Variants in TNR observed in about 807,000 individuals in gnomAD.
TNR encodes tenascin R, also known as tenascin-R.
Under a neutral mutation model 150.4 loss-of-function variants are expected in TNR, and 45 were observed. That is an observed-to-expected ratio of 0.30 (90% CI 0.24 to 0.38). The LOEUF is 0.38. TNR is among the 10% of genes least tolerant of loss of function. TNR has a pLI of 1.00. For synonymous variants in TNR, 687 were observed against 678.4 expected (o/e 1.01, Z -0.20); for missense variants, 1,544 against 1,759.1 (o/e 0.88, Z 2.19).
chr1:175,344,267 T>C (rs776959080), intron 18 of TNR, among the ~76,000 whole-genome samples: 1 of 152,166 alleles, frequency 6.6e-6, no homozygotes, highest in Non-Finnish European at 1.5e-5. Context: ...ATCTGAGATG[T>C]GGTGGATGGC....
intron 18 of TNR, among the ~76,000 whole-genome samples, chr1:175,341,166 C>T (rs576258244): frequency 6.6e-6 from 1 of 152,110 alleles, no homozygotes; most frequent in East Asian, 1.9e-4. Flanking sequence ...AATTTCAGGC[C>T]CTCCTAGCTC....
rs748328894 is a variant in TNR at position 175,583,741 on chromosome 1, A to G, written c.-164-55372T>C. On this transcript the variant is annotated intron_variant, in intron 1 of 22. Coordinates refer to ENST00000367674, the MANE Select transcript of TNR (RefSeq NM_003285.3). ...CATTCAGGGTGTCCTCTGACTGTAC[A>G]TGGGCAGGCATGGTGAGGGTCAGCC... 1.1e-4 allele frequency among the ~76,000 whole-genome samples: 17 copies of G among 152,346 alleles called. No individual in the cohort carries two copies. The Middle Eastern group carries it at 0.01, about 91-fold the overall frequency.
At chr1:175,647,417 G>A (rs942607473) in intron 1 of TNR, among the ~76,000 whole-genome samples, 49 of 141,966 alleles carry the variant, frequency 3.5e-4, no homozygotes, top group African/African-American at 1.1e-3. Context: ...TTGAAAATAC[G>A]CTTGTTACTA....
chr1:175,669,931 C>G (rs1327244803), intron 1 of TNR, among the ~76,000 whole-genome samples: 1 of 152,208 alleles, frequency 6.6e-6, no homozygotes, highest in Admixed American at 6.5e-5. Context: ...ACAGGAAGAA[C>G]CTCAGGGTCA....
At chr1:175,494,465 A>G (rs1242713844) in intron 2 of TNR, among the ~76,000 whole-genome samples, 1 of 152,198 alleles carries the variant, frequency 6.6e-6, no homozygotes, top group Non-Finnish European at 1.5e-5. Flanking sequence ...ATTTGGTTCA[A>G]GAGTGATACA....
At chr1:175,371,735 A>G (rs753214001) in intron 9 of TNR, among the ~76,000 whole-genome samples, 4 of 152,164 alleles carry the variant, frequency 2.6e-5, no homozygotes, top group Non-Finnish European at 5.9e-5. Flanking sequence ...GGGCTCCAAG[A>G]AGTCTATTCC....
intron 2 of TNR, among the ~76,000 whole-genome samples, chr1:175,487,042 G>T (rs2102134598): frequency 6.6e-6 from 1 of 152,354 alleles, no homozygotes; most frequent in Non-Finnish European, 1.5e-5. Context: ...CAGATGGGTA[G>T]ATTGCGAAAT....
intron 2 of TNR, among the ~76,000 whole-genome samples, chr1:175,497,913 A>T (rs1005894393): frequency 6.6e-6 from 1 of 152,146 alleles, no homozygotes; most frequent in African/African-American, 2.4e-5. Context: ...TAGAAAAATT[A>T]GCTGGGCGTG....
intron 2 of TNR, among the ~76,000 whole-genome samples, chr1:175,487,395 G>A (rs1332432129): frequency 6.6e-6 from 1 of 152,184 alleles, no homozygotes; most frequent in African/African-American, 2.4e-5. Context: ...TGGCTCAGGG[G>A]TTGGGGACCC....
intron 1 of TNR, among the ~76,000 whole-genome samples, chr1:175,703,937 T>C (rs1666772217): frequency 6.6e-6 from 1 of 152,212 alleles, no homozygotes; most frequent in Non-Finnish European, 1.5e-5. Context: ...AGAGGGTTAA[T>C]AATATTAATT....
chr1:175,428,888 T>C (rs1557928629), intron 2 of TNR, among the ~76,000 whole-genome samples: 2 of 152,222 alleles, frequency 1.3e-5, no homozygotes, highest in Non-Finnish European at 2.9e-5. Flanking sequence ...TATCCAGGGA[T>C]AGAATCCATT....
intron 2 of TNR, among the ~76,000 whole-genome samples, chr1:175,494,995 C>T (rs1289336890): frequency 1.3e-5 from 2 of 152,138 alleles, no homozygotes; most frequent in Non-Finnish European, 2.9e-5. Flanking sequence ...TACAGGAGAC[C>T]TCTATTAGCT....
At chr1:175,441,246 T>C (rs1638469571) in intron 2 of TNR, among the ~76,000 whole-genome samples, 1 of 152,198 alleles carries the variant, frequency 6.6e-6, no homozygotes, top group Admixed American at 6.6e-5. Context: ...CTTTTCTGTC[T>C]GTCTTGGAGG....
At chr1:175,677,070 G>T (rs750741515) in intron 1 of TNR, among the ~76,000 whole-genome samples, 1 of 152,232 alleles carries the variant, frequency 6.6e-6, no homozygotes, top group East Asian at 1.9e-4. Context: ...CCAGGGGAAT[G>T]CTTTTTCTAC....
intron 1 of TNR, among the ~76,000 whole-genome samples, chr1:175,658,375 G>A (rs1485420322): frequency 6.6e-6 from 1 of 152,228 alleles, no homozygotes; most frequent in Non-Finnish European, 1.5e-5. Flanking sequence ...GAGGTTAGGA[G>A]CTCACACTCT....
intron 4 of TNR, among the ~76,000 whole-genome samples, chr1:175,397,562 C>T (rs906366198): frequency 1.3e-5 from 2 of 152,168 alleles, no homozygotes; most frequent in African/African-American, 4.8e-5. Context: ...TTATGAGAAG[C>T]CAAAACAGTA....
At chr1:175,363,902 T>C in intron 12 of TNR, 75 bp from the exon 13 acceptor site, 1 of 1,530,736 alleles carries the variant, frequency 6.5e-7, no homozygotes, top group Non-Finnish European at 8.8e-7. Context: ...CCTGGTTTTA[T>C]GTTGACCAAA....
At chr1:175,736,531 A>T (rs1170300490) in intron 1 of TNR, among the ~76,000 whole-genome samples, 11 of 151,788 alleles carry the variant, frequency 7.2e-5, no homozygotes, top group Non-Finnish European at 1.5e-4. Flanking sequence ...AAAAAAAAAA[A>T]GATGTGATGA....
chr1:175,365,128 A>G lies in TNR; in HGVS notation c.2469T>C (p.Asp823=), dbSNP rs762563396. The G allele has an allele frequency of 9.3e-6, 15 of 1,614,102 alleles. No homozygotes were observed. The highest frequency in any genetic ancestry group is 1.2e-5 in the Non-Finnish European group (14 of 1,179,992). ...TCAGGACAGCATGCCTCTTGGTGGC[A>G]TCCAGGGAGACCTCCATCATCTCTT... ...EEEEMMEVSL[D]ATKRHAVLMG... is the part of the protein sequence containing the mutation. Residue 823 remains aspartate (D), a synonymous_variant, in exon 12 of 23, where the codon GAT becomes GAC. Coordinates refer to ENST00000367674, the MANE Select transcript of TNR (RefSeq NM_003285.3).
Sources: allele counts gnomAD v4.1 joint callset (sites outside exome capture counted in the v4.1 genomes callset), GRCh38; gene constraint gnomAD v4.1.1; transcripts MANE v1.5; gene names NCBI Gene and HGNC (gene_info 2026-07-23, HGNC 2026-07-21).